The following CYTH3 variants were observed in gnomAD, a reference collection of about 807,000 sequenced individuals.
CYTH3 encodes the protein cytohesin-3.
Under a neutral mutation model 55.1 loss-of-function variants are expected in CYTH3, and 23 were observed. The observed-to-expected ratio is 0.42, with a 90% CI of 0.30 to 0.59. The LOEUF (loss-of-function observed/expected upper bound fraction) is 0.59, where lower values mean the gene tolerates loss of function less well. CYTH3 is among the 20% of genes least tolerant of loss of function. The pLI, the probability that CYTH3 is intolerant of heterozygous loss-of-function variation, is 0.20. For missense variants in CYTH3, 413 were observed against 524.8 expected, an observed-to-expected ratio of 0.79 and a Z score of 2.08; for synonymous variants, 249 against 194.9, an observed-to-expected ratio of 1.28 and a Z score of -2.31.
chr7:6,185,648 C>T (rs1336262710), intron 4 of CYTH3, among the ~76,000 whole-genome samples: 1 of 149,974 alleles, frequency 6.7e-6, no homozygotes, highest in Non-Finnish European at 1.5e-5. Flanking sequence ...TGCGGTGGGC[C>T]GAGATCGCAC....
At chr7:6,214,137 C>CT (rs200253272) in intron 1 of CYTH3, among the ~76,000 whole-genome samples, 2,017 of 152,184 alleles carry the variant, frequency 0.013, 26 homozygotes, top group Middle Eastern at 0.058. Context: ...TCTGAAATGT[C>CT]TAAAAAGTAA....
rs1783126919 is a variant in CYTH3, at chr7:6,169,961, G to GC, written c.823+573dup. ...CCACACCGTGCACGGCGCAGCCCCAGCAAGTCCACAGATGGATCGGATGAA... is the reference window on the plus strand; with the variant it reads ...CCACACCGTGCACGGCGCAGCCCCAGCCAAGTCCACAGATGGATCGGATGAA... On this transcript the variant is annotated intron_variant, in intron 9 of 12. Transcript: ENST00000350796. This position sits in a 1 kb window ranked among gnomAD's most constrained non-coding sequence, Gnocchi z 4.1. 1 of 156,280 alleles carries GC rather than the reference G, an allele frequency of 6.4e-6. No individual in the cohort carries two copies. Among genetic ancestry groups the GC allele is most frequent in the South Asian group, 2.0e-4 (1 of 5,072 alleles). The allele number at this position is 156,280 out of a possible 1,614,324, so 9.7% of individuals were successfully genotyped here.
At chr7:6,184,645 A>G (rs1451972177) in intron 4 of CYTH3, among the ~76,000 whole-genome samples, 5 of 151,852 alleles carry the variant, frequency 3.3e-5, no homozygotes, top group Non-Finnish European at 7.4e-5. Context: ...CAGTGATGCA[A>G]TCTCAGCTCA....
In CYTH3 at chr7:6,164,649, A is replaced by T. The variant is rs745560643; in HGVS notation, c.*295T>A. ...GGCGCCGGGATGGTCGCAGGAAGGA[A>T]ATGCTTCTGGACATGCGCAGCCGAC... On this transcript the variant is annotated 3_prime_UTR_variant, in exon 13 of 13. Transcript: ENST00000350796. The T allele has an allele frequency of 2.5e-5, 11 of 447,726 alleles. No individual in the cohort carries two copies. The highest frequency in any genetic ancestry group is 3.6e-5 in the Non-Finnish European group (9 of 247,560). The allele number at this position is 447,726 out of a possible 1,614,324, so 27.7% of individuals were successfully genotyped here. A position where few individuals can be genotyped will look rare whatever the true frequency, so the allele number is the denominator to read the frequency against.
chr7:6,244,209 A>G (rs149133397), intron 1 of CYTH3, among the ~76,000 whole-genome samples: 1,627 of 152,336 alleles, frequency 0.011, 23 homozygotes, highest in Non-Finnish European at 0.016. Context: ...TACCAAAGCA[A>G]CAAAACAGCC....
chr7:6,171,417 C>G lies in CYTH3; in HGVS notation c.450-103G>C, dbSNP rs1423249891. ...TCAGGAAGGACGTTTTCCTCCCGAG[C>G]CTGGGGTACAGCTCTGGCAGGGGCT... On this transcript the variant is annotated intron_variant, in intron 6 of 12. Coordinates refer to ENST00000350796, the MANE Select transcript of CYTH3 (RefSeq NM_004227.4). This position sits in a 1 kb window ranked among gnomAD's most constrained non-coding sequence, Gnocchi z 6.7. The G allele has an allele frequency of 2.0e-6, 2 of 1,019,268 alleles. No homozygotes were observed. Among genetic ancestry groups the G allele is most frequent in the East Asian group, 5.1e-5 (2 of 39,586 alleles). The allele number at this position is 1,019,268 out of a possible 1,614,324, so 63.1% of individuals were successfully genotyped here.
At chr7:6,219,136 T>C (rs1358444167) in intron 1 of CYTH3, among the ~76,000 whole-genome samples, 2 of 151,750 alleles carry the variant, frequency 1.3e-5, no homozygotes, top group African/African-American at 4.8e-5. Context: ...AAATGGACAT[T>C]AAATGTACTG....
chr7:6,192,228 T>C (rs1426932406), intron 1 of CYTH3, among the ~76,000 whole-genome samples: 9 of 152,340 alleles, frequency 5.9e-5, no homozygotes, highest in Non-Finnish European at 8.8e-5. Context: ...TTATTGTTTT[T>C]TGTAGAGACA....
At chr7:6,216,715 T>C (rs138103876) in intron 1 of CYTH3, among the ~76,000 whole-genome samples, 2,194 of 152,012 alleles carry the variant, frequency 0.014, 56 homozygotes, top group African/African-American at 0.051. Flanking sequence ...CACTCCAATC[T>C]GGGTGACAGG....
chr7:6,263,434 G>T (rs1780405470), intron 1 of CYTH3, among the ~76,000 whole-genome samples: 1 of 152,136 alleles, frequency 6.6e-6, no homozygotes, highest in Non-Finnish European at 1.5e-5. Flanking sequence ...CATTTGTGAG[G>T]GGAGAGAAGA....
rs759388793 is a variant in CYTH3 at position 6,171,027 on chromosome 7, G to C, written c.563-49C>G. The C allele has an allele frequency of 3.1e-6, 5 of 1,608,536 alleles. No homozygotes were observed. The highest frequency in any genetic ancestry group is 4.2e-6 in the Non-Finnish European group (5 of 1,177,454). ...GCTCAGCCAGAACCTCCAGTGGACA[G>C]TGGGACCCCGCGTGCTGGGGGCCCG... On this transcript the variant is annotated intron_variant, in intron 7 of 12. Coordinates refer to ENST00000350796, the MANE Select transcript of CYTH3 (RefSeq NM_004227.4). This position sits in a 1 kb window ranked among gnomAD's most constrained non-coding sequence, Gnocchi z 6.7.
chr7:6,178,267 G>C (rs1783397356), intron 4 of CYTH3, among the ~76,000 whole-genome samples: 1 of 152,256 alleles, frequency 6.6e-6, no homozygotes. Context: ...TAGAAAGATA[G>C]TTTATTCTGT....
chr7:6,170,517 G>T lies in CYTH3; in HGVS notation c.823+18C>A. 6.2e-7 allele frequency: 1 copy of T among 1,611,432 alleles called. No individual in the cohort carries two copies. The highest frequency in any genetic ancestry group is 8.5e-7 in the Non-Finnish European group (1 of 1,178,290). On this transcript the variant is annotated intron_variant, in intron 9 of 12. Coordinates refer to ENST00000350796, the MANE Select transcript of CYTH3 (RefSeq NM_004227.4). This position sits in a 1 kb window ranked among gnomAD's most constrained non-coding sequence, Gnocchi z 7.8. ...GGCAGAGGGGTCACGCCCGGGTCCC[G>T]CTGGGCCGGCGGCTCACCCAGCTTC...
At chr7:6,239,908 T>A (rs919622352) in intron 1 of CYTH3, among the ~76,000 whole-genome samples, 1 of 152,200 alleles carries the variant, frequency 6.6e-6, no homozygotes, top group African/African-American at 2.4e-5. Flanking sequence ...AAAACTGCAA[T>A]GTCATAAGGA....
chr7:6,174,539 G>T (rs1159590264), intron 5 of CYTH3, among the ~76,000 whole-genome samples: 7 of 89,802 alleles, frequency 7.8e-5, no homozygotes, highest in African/African-American at 2.6e-4. Flanking sequence ...CTCCTTGTGG[G>T]TTTTTTTTTT....
At chr7:6,178,011 C>G (rs780905790) in intron 4 of CYTH3, 70 bp from the exon 5 acceptor site, 1 of 1,189,926 alleles carries the variant, frequency 8.4e-7, no homozygotes, top group Admixed American at 1.7e-5. Context: ...GACAGAAATA[C>G]ACTTAGTGTC....
intron 1 of CYTH3, among the ~76,000 whole-genome samples, chr7:6,240,121 C>T (rs1583188572): frequency 6.6e-6 from 1 of 151,982 alleles, no homozygotes; most frequent in South Asian, 2.1e-4. Flanking sequence ...GCCTGGCCAA[C>T]ACAGTGAAAC....
rs764265909 is a variant in CYTH3, at chr7:6,165,772, G to A, written c.862C>T (p.Leu288=). The part of the protein sequence containing the change: ...VKTWKRRWFI[L]TDNCLYYFEY... ...AAGTAATAGAGGCAGTTATCGGTCA[G>A]GATGAACCACCGGCGCTTCCAGGTC... Residue 288 remains leucine (L), a synonymous_variant, in exon 10 of 13, where the codon CTG becomes TTG. Transcript: ENST00000350796. The A allele has an allele frequency of 1.9e-6, 3 of 1,614,020 alleles. No individual in the cohort carries two copies. The highest frequency in any genetic ancestry group is 3.3e-5 in the Admixed American group (2 of 59,998).
chr7:6,196,195 T>G (rs183949541), intron 1 of CYTH3, among the ~76,000 whole-genome samples: 5 of 152,292 alleles, frequency 3.3e-5, no homozygotes, highest in Non-Finnish European at 5.9e-5. Context: ...CCTGACATTT[T>G]ACTGTGATCG....
Sources: allele counts gnomAD v4.1 joint callset (sites outside exome capture counted in the v4.1 genomes callset), GRCh38; gene constraint gnomAD v4.1.1; non-coding constraint Gnocchi (gnomAD v3.1); transcripts MANE v1.5; gene names NCBI Gene and HGNC (gene_info 2026-07-23, HGNC 2026-07-21).